Variants in RFX3 observed in about 807,000 individuals in gnomAD.
RFX3 encodes the protein transcription factor RFX3.
A neutral mutation model predicts 98.6 loss-of-function variants in RFX3; 14 were observed. The observed-to-expected ratio is 0.14, with a 90% confidence interval of 0.09 to 0.22. RFX3 has a LOEUF of 0.22. Among genes scored for constraint, RFX3 ranks in the 10% least tolerant of loss-of-function variants. RFX3 has a pLI of 1.00. For missense variants in RFX3, 639 were observed against 926.9 expected, an observed-to-expected ratio of 0.69 and a Z score of 4.03; for synonymous variants, 383 against 328.4, an observed-to-expected ratio of 1.17 and a Z score of -1.80.
intron 1 of RFX3, chr9:3,524,592 A>G: frequency 1.0e-6 from 1 of 983,254 alleles, no homozygotes; most frequent in Non-Finnish European, 1.2e-6. Context: ...CATAACTGTC[A>G]CAAATAACAC....
chr9:3,409,461 A>G (rs1842273257), intron 1 of RFX3, among the ~76,000 whole-genome samples: 1 of 152,244 alleles, frequency 6.6e-6, no homozygotes, highest in South Asian at 2.1e-4. Flanking sequence ...TTGCAATGGA[A>G]AAATTAAAAT....
chr9:3,506,810 T>C (rs1817145750), intron 1 of RFX3, among the ~76,000 whole-genome samples: 1 of 151,876 alleles, frequency 6.6e-6, no homozygotes, highest in South Asian at 2.1e-4. Context: ...AGCTACATGA[T>C]ACTCTATTTG....
At chr9:3,500,786 C>A (rs1007315326) in intron 1 of RFX3, among the ~76,000 whole-genome samples, 1 of 152,142 alleles carries the variant, frequency 6.6e-6, no homozygotes, top group Non-Finnish European at 1.5e-5. Context: ...ATACTAGTCA[C>A]AAGGCACGTG....
In RFX3 at chr9:3,367,888, A is replaced by C. The variant is rs76245237; in HGVS notation, c.118-21124T>G. ...ACGAAATCTCAAAGTCAATGAGTAA[A>C]GTATCACATGAAAATTTAGGAGAAT... On this transcript the variant is annotated intron_variant, in intron 2 of 16. Coordinates refer to ENST00000617270, the MANE Select transcript of RFX3 (RefSeq NM_001282116.2). Among the ~76,000 whole-genome samples the C allele has an allele frequency of 2.3e-3, 355 of 152,356 alleles. 2 individuals carry two copies. Among genetic ancestry groups the C allele is most frequent in the African/African-American group, 8.2e-3 (339 of 41,590 alleles).
chr9:3,274,559 G>C (rs961939655), intron 9 of RFX3, among the ~76,000 whole-genome samples: 1 of 152,126 alleles, frequency 6.6e-6, no homozygotes, highest in African/African-American at 2.4e-5. Flanking sequence ...CAGAACGAGA[G>C]TAGGAGTAGG....
At chr9:3,525,223 C>A (rs1254409918) in intron 1 of RFX3, among the ~76,000 whole-genome samples, 1 of 152,174 alleles carries the variant, frequency 6.6e-6, no homozygotes, top group Non-Finnish European at 1.5e-5. Context: ...AACAAGGCCC[C>A]ACAAGTGAAC....
At chr9:3,376,548 T>C (rs574713846) in intron 2 of RFX3, among the ~76,000 whole-genome samples, 1 of 152,266 alleles carries the variant, frequency 6.6e-6, no homozygotes, top group South Asian at 2.1e-4. Context: ...AGAAGCCAGC[T>C]TGCACAAAAG....
intron 15 of RFX3, among the ~76,000 whole-genome samples, chr9:3,245,362 G>C (rs940931843): frequency 6.6e-6 from 1 of 152,192 alleles, no homozygotes; most frequent in African/African-American, 2.4e-5. Flanking sequence ...AAAGGCCACT[G>C]TGATTGCAAC....
At chr9:3,428,424 T>G (rs1392819945) in intron 1 of RFX3, among the ~76,000 whole-genome samples, 1 of 152,214 alleles carries the variant, frequency 6.6e-6, no homozygotes, top group Non-Finnish European at 1.5e-5. Flanking sequence ...ATCACAAGTT[T>G]TGTAGAGTTT....
chr9:3,340,888 G>A (rs1348275761), intron 3 of RFX3, among the ~76,000 whole-genome samples: 1 of 152,184 alleles, frequency 6.6e-6, no homozygotes, highest in African/African-American at 2.4e-5. Flanking sequence ...ATTTGACCCA[G>A]CCATCCCATT....
intron 14 of RFX3, among the ~76,000 whole-genome samples, chr9:3,255,506 C>A (rs966411823): frequency 6.6e-5 from 10 of 152,180 alleles, no homozygotes. Context: ...TAGAGACTGC[C>A]TATACTTTAC....
intron 2 of RFX3, among the ~76,000 whole-genome samples, chr9:3,348,175 T>C (rs1185549395): frequency 6.6e-6 from 1 of 152,206 alleles, no homozygotes; most frequent in Non-Finnish European, 1.5e-5. Flanking sequence ...ATTTCTGGCA[T>C]CTAGACTGAT....
At chr9:3,331,674 T>C (rs1832620432) in intron 3 of RFX3, among the ~76,000 whole-genome samples, 1 of 152,164 alleles carries the variant, frequency 6.6e-6, no homozygotes, top group Non-Finnish European at 1.5e-5. Flanking sequence ...CAAGAGCCTT[T>C]TGGAATCTCC....
Position 3,255,414 on chromosome 9 carries a change from A to G in RFX3, c.1814+1577T>C, listed in dbSNP as rs532673566. Among the ~76,000 whole-genome samples the G allele has an allele frequency of 1.1e-4, 16 of 152,372 alleles. No homozygotes were observed. The South Asian group carries it at 2.9e-3, about 28-fold the overall frequency. ...CACCACTGATGTCCAGAGGATGACC[A>G]TAGTGTAGCCACAGCTACAGTCAGG... On this transcript the variant is annotated intron_variant, in intron 14 of 16. Coordinates refer to ENST00000617270, the MANE Select transcript of RFX3 (RefSeq NM_001282116.2).
intron 1 of RFX3, among the ~76,000 whole-genome samples, chr9:3,498,920 G>A (rs1347061842): frequency 6.6e-5 from 10 of 152,052 alleles, no homozygotes; most frequent in Admixed American, 6.6e-4. Flanking sequence ...TAAACCTGTA[G>A]GCTTCCCTCT....
At chr9:3,301,326 C>G (rs570279592) in intron 5 of RFX3, among the ~76,000 whole-genome samples, 1 of 151,462 alleles carries the variant, frequency 6.6e-6, no homozygotes, top group African/African-American at 2.4e-5. Flanking sequence ...ATATCTGTAC[C>G]CAAAGAGTAC....
intron 1 of RFX3, among the ~76,000 whole-genome samples, chr9:3,441,841 C>T (rs1401256084): frequency 6.6e-6 from 1 of 152,084 alleles, no homozygotes; most frequent in Non-Finnish European, 1.5e-5. Flanking sequence ...ACCCTCCCCT[C>T]CTTGGGCATA....
intron 2 of RFX3, among the ~76,000 whole-genome samples, chr9:3,393,014 G>C (rs1024244157): frequency 5.4e-5 from 6 of 111,460 alleles, no homozygotes. Context: ...AAACACATAT[G>C]GTTCAATCTG....
At chr9:3,311,208 T>A (rs921842722) in intron 4 of RFX3, among the ~76,000 whole-genome samples, 1 of 152,102 alleles carries the variant, frequency 6.6e-6, no homozygotes, top group African/African-American at 2.4e-5. Flanking sequence ...AAACCAGGAA[T>A]TTCTTTCTGG....
Sources: allele counts gnomAD v4.1 joint callset (sites outside exome capture counted in the v4.1 genomes callset), GRCh38; gene constraint gnomAD v4.1.1; transcripts MANE v1.5; gene names NCBI Gene and HGNC (gene_info 2026-07-23, HGNC 2026-07-21).